The following SBNO1 variants were observed in gnomAD, a reference collection of about 807,000 sequenced individuals.
The protein encoded by SBNO1 is strawberry notch homolog 1.
SBNO1 carries 23 observed loss-of-function variants against 173.6 expected under a neutral mutation model. That is an observed-to-expected ratio of 0.13 (90% confidence interval 0.10 to 0.19). The LOEUF is 0.19. SBNO1 is among the 10% of genes least tolerant of loss of function. The pLI, the probability that SBNO1 is intolerant of heterozygous loss-of-function variation, is 1.00. For missense variants in SBNO1, 1,238 were observed against 1,671.2 expected (o/e 0.74, Z 4.52); for synonymous variants, 632 against 571.5 (o/e 1.11, Z -1.51).
At chr12:123,363,645 T>C (rs940163529) in intron 1 of SBNO1, among the ~76,000 whole-genome samples, 2 of 152,178 alleles carry the variant, frequency 1.3e-5, no homozygotes, top group South Asian at 4.1e-4. Context: ...GGCTGCGCAA[T>C]TCAATGGATA....
At chr12:123,304,800 C>A in intron 28 of SBNO1, 81 bp from the exon 29 acceptor site, 1 of 973,906 alleles carries the variant, frequency 1.0e-6, no homozygotes, top group Non-Finnish European at 1.6e-6. Flanking sequence ...CGTCAGCAAA[C>A]ATAATCATTT....
chr12:123,354,765 T>C (rs1470408150), intron 1 of SBNO1, among the ~76,000 whole-genome samples: 4 of 152,218 alleles, frequency 2.6e-5, no homozygotes, highest in African/African-American at 9.6e-5. Flanking sequence ...ACTGTGTTAG[T>C]GTGTCTACAA....
At chr12:123,338,669 C>G (rs1301535099) in intron 5 of SBNO1, among the ~76,000 whole-genome samples, 1 of 151,728 alleles carries the variant, frequency 6.6e-6, no homozygotes, top group Non-Finnish European at 1.5e-5. Flanking sequence ...TGTGACAGAG[C>G]GAGACTCCAT....
At chr12:123,308,408 A>G (rs754125320) in intron 28 of SBNO1, among the ~76,000 whole-genome samples, 2 of 151,996 alleles carry the variant, frequency 1.3e-5, no homozygotes, top group African/African-American at 4.8e-5. Context: ...CAGTGGCTCA[A>G]GCCTGTAATC....
At position 123,294,980 on chromosome 12, in the gene SBNO1, G is replaced by C. The variant is rs923460669; in HGVS notation, c.*928C>G. 2.2e-4 allele frequency: 33 copies of C among 152,168 alleles called. No homozygotes were observed. The highest frequency in any genetic ancestry group is 5.9e-4 in the Admixed American group (9 of 15,274). The allele number at this position is 152,168 out of a possible 1,614,324, so 9.4% of individuals were successfully genotyped here. A position where few individuals can be genotyped will look rare whatever the true frequency, so the allele number is the denominator to read the frequency against. On this transcript the variant is annotated 3_prime_UTR_variant, in exon 32 of 32. Coordinates refer to ENST00000602398, the MANE Select transcript of SBNO1 (RefSeq NM_001167856.3). ...TTTTATGAGTGACAAAGCAAATTAA[G>C]ATAATGAAGTAAAAAACGATTGTTT... is the stretch of plus-strand genomic sequence containing the variant.
chr12:123,302,664 A>C (rs923154879), intron 30 of SBNO1, among the ~76,000 whole-genome samples, 160 bp downstream of exon 30: 1 of 152,256 alleles, frequency 6.6e-6, no homozygotes, highest in Non-Finnish European at 1.5e-5. Flanking sequence ...AACAGTTTCT[A>C]GTCTACAACT....
At position 123,333,861 on chromosome 12, in the gene SBNO1, C is replaced by T. The variant is rs1871525992; in HGVS notation, c.909+192G>A. On this transcript the variant is annotated intron_variant, in intron 7 of 31. Coordinates refer to ENST00000602398, the MANE Select transcript of SBNO1 (RefSeq NM_001167856.3). ...AATTCCAAGCAAGTTATAACATTTGCCATTTCCACTGGAAATGCACTATCT... is the reference window on the plus strand; with the variant it reads ...AATTCCAAGCAAGTTATAACATTTGTCATTTCCACTGGAAATGCACTATCT... Among the ~76,000 whole-genome samples the T allele has an allele frequency of 3.9e-5, 6 of 152,184 alleles. No individual in the cohort carries two copies. In the South Asian group the frequency reaches 1.2e-3, roughly 32 times the overall value.
intron 8 of SBNO1, 104 bp from the exon 9 acceptor site, chr12:123,330,613 AAAAG>A (rs1357260302): frequency 1.7e-6 from 1 of 592,156 alleles, no homozygotes; most frequent in Non-Finnish European, 2.8e-6. Flanking sequence ...AAAAAAAAAA[AAAAG>A]AAAAAGAAAA....
chr12:123,289,304 T>C lies in SBNO1; in HGVS notation c.*6604A>G, dbSNP rs1268666528. 1 of 152,160 alleles carries C rather than the reference T, an allele frequency of 6.6e-6. No individual in the cohort carries two copies. Among genetic ancestry groups the C allele is most frequent in the Non-Finnish European group, 1.5e-5 (1 of 68,034 alleles). 9.4% of individuals were successfully genotyped at this position (152,160 alleles called of 1,614,324 possible). Reference sequence around the variant, plus strand: ...TGAGACCAAATTTTTCAGTTACATATCAAAAATGATTGGGATAATCAATTC... The same window carrying C: ...TGAGACCAAATTTTTCAGTTACATACCAAAAATGATTGGGATAATCAATTC... On this transcript the variant is annotated 3_prime_UTR_variant, in exon 32 of 32. Coordinates refer to ENST00000602398, the MANE Select transcript of SBNO1 (RefSeq NM_001167856.3).
Position 123,327,875 on chromosome 12 carries a change from A to G in SBNO1, c.1432+17T>C. ...AAATAACCTACAATATATATTTTTA[A>G]ATAAATAAATACTCACCAGTTGCAC... On this transcript the variant is annotated intron_variant, in intron 11 of 31. Transcript: ENST00000602398. 3 of 1,588,328 alleles carry G rather than the reference A, an allele frequency of 1.9e-6. No homozygotes were observed. Among genetic ancestry groups the G allele is most frequent in the Non-Finnish European group, 2.6e-6 (3 of 1,166,190 alleles).
intron 20 of SBNO1, 50 bp from the exon 21 acceptor site, chr12:123,317,406 G>A (rs1869411918): frequency 6.4e-7 from 1 of 1,570,046 alleles, no homozygotes; most frequent in Non-Finnish European, 8.7e-7. Flanking sequence ...AGAACAAGCA[G>A]GCCAGTGCCT....
rs928320683 is a variant in SBNO1, at chr12:123,292,766, C to A, written c.*3142G>T. On this transcript the variant is annotated 3_prime_UTR_variant, in exon 32 of 32. Transcript: ENST00000602398. The stretch of plus-strand genomic sequence containing the variant: ...ATGCAGGTTCTTACTAATTTATATA[C>A]ACATGTAAAGAGAAGATACTGAAGT... The A allele has an allele frequency of 1.3e-5, 2 of 152,182 alleles. No homozygotes were observed. The highest frequency in any genetic ancestry group is 2.9e-5 in the Non-Finnish European group (2 of 68,042). The allele number at this position is 152,182 out of a possible 1,614,324, so 9.4% of individuals were successfully genotyped here.
At chr12:123,310,396 G>A (rs1027472690) in intron 25 of SBNO1, among the ~76,000 whole-genome samples, 1 of 151,900 alleles carries the variant, frequency 6.6e-6, no homozygotes, top group Non-Finnish European at 1.5e-5. Flanking sequence ...ACTATGCCTG[G>A]ATAATTTTTG....
At chr12:123,328,166 G>A (rs1296677228) in intron 10 of SBNO1, 139 bp from the exon 11 acceptor site, 2 of 593,566 alleles carry the variant, frequency 3.4e-6, no homozygotes, top group Non-Finnish European at 5.6e-6. Flanking sequence ...AAGTCCTATG[G>A]GCCTTTCCCC....
rs570343397 is a variant in SBNO1, at chr12:123,347,538, T to C, written c.237+491A>G. 5.7e-5 allele frequency among the ~76,000 whole-genome samples: 8 copies of C among 141,036 alleles called. No homozygotes were observed. The South Asian group carries it at 1.8e-3, about 32-fold the overall frequency. The allele number at this position is 141,036 out of a possible 152,430, so 92.5% of individuals were successfully genotyped here. On this transcript the variant is annotated intron_variant, in intron 3 of 31. Coordinates refer to ENST00000602398, the MANE Select transcript of SBNO1 (RefSeq NM_001167856.3). Reference sequence around the variant, plus strand: ...ACTGTGCCTGGCCTCTTTTTTTATGTTTTTTGAGATGAAGTCTCACTCTGT... The same window carrying C: ...ACTGTGCCTGGCCTCTTTTTTTATGCTTTTTGAGATGAAGTCTCACTCTGT...
Position 123,289,126 on chromosome 12 carries a change from A to G in SBNO1, c.*6782T>C, listed in dbSNP as rs1362467192. ...ACAACCCGTGACTCGTATTTAATTT[A>G]TTTAGAATCTTACAAAAACAAAAAA... On this transcript the variant is annotated 3_prime_UTR_variant, in exon 32 of 32. Transcript: ENST00000602398. 6.6e-6 allele frequency: 1 copy of G among 152,214 alleles called. No individual in the cohort carries two copies. Among genetic ancestry groups the G allele is most frequent in the Non-Finnish European group, 1.5e-5 (1 of 68,036 alleles). The allele number at this position is 152,214 out of a possible 1,614,324, so 9.4% of individuals were successfully genotyped here. A position where few individuals can be genotyped will look rare whatever the true frequency, so the allele number is the denominator to read the frequency against.
chr12:123,325,271 C>T lies in SBNO1; in HGVS notation c.1973+231G>A, dbSNP rs142958783. Among the ~76,000 whole-genome samples, 5 of 152,308 alleles carry T rather than the reference C, an allele frequency of 3.3e-5. No individual in the cohort carries two copies. The East Asian group carries it at 9.6e-4, about 29-fold the overall frequency. ...ACAAAGTCTAGCCCTTCTGTTAGTT[C>T]ACATACTCTGTGTAATATTAGCAAA... On this transcript the variant is annotated intron_variant, in intron 15 of 31. Coordinates refer to ENST00000602398, the MANE Select transcript of SBNO1 (RefSeq NM_001167856.3).
chr12:123,342,808 C>A (rs1872714322), intron 4 of SBNO1, among the ~76,000 whole-genome samples: 1 of 152,168 alleles, frequency 6.6e-6, no homozygotes, highest in Non-Finnish European at 1.5e-5. Context: ...ACCTGGAATT[C>A]TTGAGATAGA....
intron 18 of SBNO1, 31 bp downstream of exon 18, chr12:123,320,668 T>C (rs775381926): frequency 6.3e-7 from 1 of 1,594,796 alleles, no homozygotes; most frequent in Non-Finnish European, 8.5e-7. Context: ...TTTAAAACAG[T>C]ATTTCAAAAA....
Sources: gnomAD v4.1 joint callset for allele counts (sites outside exome capture counted in the v4.1 genomes callset) on GRCh38, gnomAD v4.1.1 for gene constraint, MANE v1.5 for transcripts, NCBI Gene and HGNC (gene_info 2026-07-23, HGNC 2026-07-21) for gene names.